MBNL1: variants seen among roughly 807,000 people sequenced by gnomAD.
MBNL1 encodes muscleblind like splicing regulator 1, also known as muscleblind-like protein 1.
MBNL1 carries 8 observed loss-of-function variants against 42.2 expected under a neutral mutation model. That is an observed-to-expected ratio of 0.19 (90% confidence interval 0.11 to 0.34). The LOEUF is 0.34. MBNL1 is among the 10% of genes least tolerant of loss of function. The pLI is 1.00. For missense variants in MBNL1, 309 were observed against 495.3 expected, an observed-to-expected ratio of 0.62 and a Z score of 3.57; for synonymous variants, 169 against 173.9, an observed-to-expected ratio of 0.97 and a Z score of 0.22.
intron 3 of MBNL1, among the ~76,000 whole-genome samples, chr3:152,415,605 C>T (rs755818532): frequency 6.6e-6 from 1 of 152,132 alleles, no homozygotes; most frequent in African/African-American, 2.4e-5. Context: ...GAAATTATTT[C>T]ATAGCTACAA....
At chr3:152,298,396 C>G (rs2059503354) in intron 1 of MBNL1, among the ~76,000 whole-genome samples, 1 of 152,204 alleles carries the variant, frequency 6.6e-6, no homozygotes, top group South Asian at 2.1e-4. Flanking sequence ...CATCAGGCAA[C>G]AGGGGATCCC....
At chr3:152,404,733 T>C (rs1020221458) in intron 2 of MBNL1, among the ~76,000 whole-genome samples, 1 of 150,070 alleles carries the variant, frequency 6.7e-6, no homozygotes, top group African/African-American at 2.4e-5. Context: ...GATATATAAC[T>C]TTTTCATTAT....
At chr3:152,297,254 GTTT>G (rs1023006189) in intron 1 of MBNL1, among the ~76,000 whole-genome samples, 1 of 101,488 alleles carries the variant, frequency 9.9e-6, no homozygotes. Context: ...CTGGACCTTT[GTTT>G]TTTTTTTTTT....
chr3:152,437,726 A>G lies in MBNL1; in HGVS notation c.549+4806A>G, dbSNP rs149502770. On this transcript the variant is annotated intron_variant, in intron 4 of 9. Transcript: ENST00000324210. ...TCATATTATCCTTTCTTTACTGACTATCTTTTAAAAGACTTTGTTGCCAAG... is the reference window on the plus strand; with the variant it reads ...TCATATTATCCTTTCTTTACTGACTGTCTTTTAAAAGACTTTGTTGCCAAG... Among the ~76,000 whole-genome samples, 603 of 151,986 alleles carry G rather than the reference A, an allele frequency of 4.0e-3. 5 individuals are homozygous for G. The highest frequency in any genetic ancestry group is 0.014 in the African/African-American group (575 of 41,424).
chr3:152,379,630 A>T lies in MBNL1; in HGVS notation c.175-35311A>T, dbSNP rs528945940. ...GAATATTGATATGTTTTTGTTTGGC[A>T]TTACACAGGCAGAATCTCAAAAATT... On this transcript the variant is annotated intron_variant, in intron 2 of 9. Transcript: ENST00000324210. 5.9e-5 allele frequency among the ~76,000 whole-genome samples: 9 copies of T among 152,304 alleles called. No homozygotes were observed. In the South Asian group the frequency reaches 1.9e-3, roughly 32 times the overall value.
At chr3:152,372,432 T>C (rs552595474) in intron 2 of MBNL1, among the ~76,000 whole-genome samples, 8 of 152,210 alleles carry the variant, frequency 5.3e-5, no homozygotes, top group Non-Finnish European at 1.2e-4. Context: ...TCTCCCTGGA[T>C]TTATCTGCCT....
At chr3:152,341,113 G>A (rs1167380037) in intron 2 of MBNL1, 7 of 523,350 alleles carry the variant, frequency 1.3e-5, no homozygotes, top group South Asian at 5.9e-5. Flanking sequence ...TAAATGAAAT[G>A]TTTTGAAGTG....
chr3:152,393,408 C>G (rs1037160919), intron 2 of MBNL1, among the ~76,000 whole-genome samples: 4 of 152,192 alleles, frequency 2.6e-5, no homozygotes, highest in African/African-American at 9.7e-5. Flanking sequence ...AGGCCTTTTA[C>G]TTTCTGAGCA....
At chr3:152,327,362 T>A (rs568744948) in intron 2 of MBNL1, among the ~76,000 whole-genome samples, 30 of 152,148 alleles carry the variant, frequency 2.0e-4, no homozygotes, top group African/African-American at 7.0e-4. Context: ...TCTTTTTTTT[T>A]ATTTGAGACA....
chr3:152,434,944 C>T (rs1046736687), intron 4 of MBNL1, among the ~76,000 whole-genome samples: 1 of 152,072 alleles, frequency 6.6e-6, no homozygotes, highest in African/African-American at 2.4e-5. Flanking sequence ...AGATATTAGA[C>T]CTTTGTGGGA....
intron 1 of MBNL1, among the ~76,000 whole-genome samples, chr3:152,286,112 C>A (rs1236513217): frequency 6.6e-6 from 1 of 151,262 alleles, no homozygotes; most frequent in East Asian, 1.9e-4. Flanking sequence ...AAAAGTGGTT[C>A]TTTTTCCCCC....
chr3:152,419,681 GTTTT>G (rs368332643), intron 3 of MBNL1, among the ~76,000 whole-genome samples: 7 of 119,834 alleles, frequency 5.8e-5, no homozygotes, highest in Middle Eastern at 4.0e-3. Flanking sequence ...GGCTGCAGGA[GTTTT>G]TTTGTTTGTT....
At chr3:152,272,311 A>G (rs1203827030) in intron 1 of MBNL1, among the ~76,000 whole-genome samples, 1 of 152,150 alleles carries the variant, frequency 6.6e-6, no homozygotes, top group Non-Finnish European at 1.5e-5. Context: ...CAAAGCTGCT[A>G]TTTAGTTTAG....
chr3:152,455,301 A>AAG (rs1274795118), intron 6 of MBNL1, among the ~76,000 whole-genome samples: 2 of 152,224 alleles, frequency 1.3e-5, no homozygotes, highest in African/African-American at 4.8e-5. Flanking sequence ...GGCAACAATT[A>AAG]AGAGAAACAA....
At chr3:152,433,370 T>C (rs2099032109) in intron 4 of MBNL1, among the ~76,000 whole-genome samples, 1 of 152,198 alleles carries the variant, frequency 6.6e-6, no homozygotes, top group African/African-American at 2.4e-5. Flanking sequence ...ATAAAACATT[T>C]TACAATTTAT....
rs17303738 is a variant in MBNL1 at position 152,376,864 on chromosome 3, G to A, written c.175-38077G>A. ...TCTCTTCTTGGGGAAAATGGGTCTC[G>A]CTGCTTCACCTGAAGTCTGCATGCT... On this transcript the variant is annotated intron_variant, in intron 2 of 9. Coordinates refer to ENST00000324210, the MANE Select transcript of MBNL1 (RefSeq NM_021038.5). Among the ~76,000 whole-genome samples, 973 of 152,106 alleles carry A rather than the reference G, an allele frequency of 6.4e-3. 9 individuals carry two copies. The highest frequency in any genetic ancestry group is 0.022 in the African/African-American group (930 of 41,482).
chr3:152,302,141 C>T (rs1271400989), intron 2 of MBNL1: 1 of 152,142 alleles, frequency 6.6e-6, no homozygotes, highest in East Asian at 1.9e-4. Flanking sequence ...TGCTTAATGA[C>T]ATGCTATGTG....
At chr3:152,277,865 G>A (rs1378662518) in intron 1 of MBNL1, among the ~76,000 whole-genome samples, 7 of 151,868 alleles carry the variant, frequency 4.6e-5, no homozygotes, top group Admixed American at 2.0e-4. Flanking sequence ...TAGATTGCCC[G>A]TGTCCATAAA....
At chr3:152,410,562 C>A (rs1176911053) in intron 2 of MBNL1, among the ~76,000 whole-genome samples, 1 of 152,164 alleles carries the variant, frequency 6.6e-6, no homozygotes, top group African/African-American at 2.4e-5. Flanking sequence ...TGGATTAATT[C>A]TATTTTAAAA....
Sources: gnomAD v4.1 joint callset for allele counts (sites outside exome capture counted in the v4.1 genomes callset) on GRCh38, gnomAD v4.1.1 for gene constraint, MANE v1.5 for transcripts, NCBI Gene and HGNC (gene_info 2026-07-23, HGNC 2026-07-21) for gene names.